Variants in TRIM37 observed in about 807,000 individuals in gnomAD.
TRIM37 encodes E3 ubiquitin-protein ligase TRIM37.
TRIM37 carries 80 observed loss-of-function variants against 129.8 expected under a neutral mutation model. The observed-to-expected ratio is 0.62, with a 90% CI of 0.51 to 0.74. The LOEUF (loss-of-function observed/expected upper bound fraction) is 0.74, where lower values mean the gene tolerates loss of function less well. TRIM37 is among the 30% of genes least tolerant of loss of function. The pLI is 0.00. For synonymous variants in TRIM37, 389 were observed against 387.1 expected, an observed-to-expected ratio of 1.00 and a Z score of -0.06; for missense variants, 1,054 against 1,176.5, an observed-to-expected ratio of 0.90 and a Z score of 1.52.
rs1965565414 is a variant in TRIM37, at chr17:59,106,649, C to T, written c.-188G>A. The T allele has an allele frequency of 7.3e-6, 5 of 680,590 alleles. No homozygotes were observed. The highest frequency in any genetic ancestry group is 5.4e-5 in the African/African-American group (3 of 55,308). The allele number at this position is 680,590 out of a possible 1,614,324, so 42.2% of individuals were successfully genotyped here. On this transcript the variant is annotated 5_prime_UTR_variant, in exon 1 of 24. An upstream start codon of the reference 5' UTR is lost. Coordinates refer to ENST00000262294, the MANE Select transcript of TRIM37 (RefSeq NM_015294.6). ...CCAGCGCCGCCTACCCCCATTTCGC[C>T]ATTTTTACCGGCGCGCCCGCCCCGA...
chr17:59,011,184 A>C (rs965895720), intron 22 of TRIM37, among the ~76,000 whole-genome samples: 2 of 151,922 alleles, frequency 1.3e-5, no homozygotes, highest in Non-Finnish European at 1.5e-5. Context: ...AAAAAAAAAA[A>C]CAACAGAAAA....
At chr17:58,986,695 G>C (rs1372343339) in intron 24 of TRIM37, among the ~76,000 whole-genome samples, 1 of 151,918 alleles carries the variant, frequency 6.6e-6, no homozygotes, top group East Asian at 1.9e-4. Context: ...TTTTAGTAGA[G>C]ACGGGGTTTT....
chr17:58,980,595 A>T (rs149595183), downstream of TRIM37: 173 of 1,614,070 alleles, frequency 1.1e-4, no homozygotes, highest in Non-Finnish European at 1.4e-4. The surrounding 1 kb of genome is among the most constrained non-coding windows in gnomAD (Gnocchi z 4.7). Context: ...ATGGAGAAAA[A>T]ATCAGTTCAG....
chr17:59,015,795 G>C lies in TRIM37; in HGVS notation c.2391C>G (p.Ser797=). The C allele has an allele frequency of 6.2e-7, 1 of 1,612,586 alleles. No individual in the cohort carries two copies. The highest frequency in any genetic ancestry group is 8.5e-7 in the Non-Finnish European group (1 of 1,179,826). Residue 797 remains serine, a synonymous_variant, in exon 21 of 24, where the codon TCC becomes TCG. Coordinates refer to ENST00000262294, the MANE Select transcript of TRIM37 (RefSeq NM_015294.6). The part of the protein sequence containing the change: ...KGDCQTLSEG[S]PGSSQSGSRH... Reference sequence around the variant, plus strand: ...TGCTCCCAGACTGAGAGCTTCCTGGGGAGCCTTCAAAAAAAGGAAGATGGA... The same window carrying C: ...TGCTCCCAGACTGAGAGCTTCCTGGCGAGCCTTCAAAAAAAGGAAGATGGA...
intron 3 of TRIM37, chr17:59,090,214 T>A (rs973425374): frequency 6.6e-6 from 1 of 152,144 alleles, no homozygotes. Flanking sequence ...AATATGGGCA[T>A]AAATAAATCA....
At chr17:58,970,679 T>A in the TRIM37 span, among the ~76,000 whole-genome samples, 1 of 152,140 alleles carries the variant, frequency 6.6e-6, no homozygotes, top group Non-Finnish European at 1.5e-5. Flanking sequence ...TCCCCTCCCC[T>A]AAGTTTGGAT....
chr17:59,063,226 C>T (rs953912973), intron 10 of TRIM37, among the ~76,000 whole-genome samples: 1 of 151,662 alleles, frequency 6.6e-6, no homozygotes, highest in Non-Finnish European at 1.5e-5. Flanking sequence ...GTTGCCCAGG[C>T]TGGAGCGCAG....
chr17:59,053,438 A>G (rs2040542620), intron 13 of TRIM37, among the ~76,000 whole-genome samples: 1 of 152,228 alleles, frequency 6.6e-6, no homozygotes, highest in South Asian at 2.1e-4. Flanking sequence ...ATTTTATAAT[A>G]AGAGAGTAGT....
At chr17:59,014,476 T>C (rs1372409111) in intron 21 of TRIM37, among the ~76,000 whole-genome samples, 1 of 152,146 alleles carries the variant, frequency 6.6e-6, no homozygotes, top group Non-Finnish European at 1.5e-5. Flanking sequence ...TGCCGGGGAT[T>C]TGAGTTTATG....
downstream of TRIM37, chr17:58,980,765 T>A (rs777220400): frequency 6.2e-7 from 1 of 1,614,156 alleles, no homozygotes; most frequent in Admixed American, 1.7e-5. This position sits in a 1 kb window ranked among gnomAD's most constrained non-coding sequence, Gnocchi z 4.7. Context: ...TTCTAGATTG[T>A]CTCATTTACG....
At chr17:59,089,117 A>C (rs2044044883) in intron 3 of TRIM37, among the ~76,000 whole-genome samples, 1 of 152,038 alleles carries the variant, frequency 6.6e-6, no homozygotes. Flanking sequence ...AGCCAAGTGC[A>C]ATGGCATGTG....
At chr17:58,975,317 G>A in the TRIM37 span, among the ~76,000 whole-genome samples, 1 of 152,138 alleles carries the variant, frequency 6.6e-6, no homozygotes, top group Non-Finnish European at 1.5e-5. Context: ...TTCTAAAAGG[G>A]AAAACCAAAG....
At chr17:59,056,027 CT>C (rs1790534524) in intron 13 of TRIM37, among the ~76,000 whole-genome samples, 1 of 152,074 alleles carries the variant, frequency 6.6e-6, no homozygotes, top group Admixed American at 6.6e-5. Context: ...CTGATAGTTG[CT>C]TTATAAAATT....
chr17:59,028,616 G>A lies in TRIM37; in HGVS notation c.2056C>T (p.Arg686Ter), dbSNP rs386834003. ...KRLKTQMAEVRCMKTDVKNTL... is the reference protein window; with the variant it reads ...KRLKTQMAEV ...TTCTTTACATCAGTTTTCATACATC[G>A]AACTTCGGCCATTTGAGTTTTGAGT... The change falls in exon 19 of 24, where the codon CGA (arginine) becomes TGA (stop). Residue 686 changes from arginine to a stop codon, truncating the protein, a stop_gained. Transcript: ENST00000262294. LOFTEE classifies it high-confidence loss of function. The A allele has an allele frequency of 2.5e-6, 4 of 1,614,158 alleles. No individual in the cohort carries two copies. Among genetic ancestry groups the A allele is most frequent in the Non-Finnish European group, 3.4e-6 (4 of 1,180,032 alleles).
chr17:59,027,182 G>GAA (rs2037336526), intron 19 of TRIM37, among the ~76,000 whole-genome samples: 1 of 152,032 alleles, frequency 6.6e-6, no homozygotes, highest in South Asian at 2.1e-4. Context: ...AGGATATCTA[G>GAA]CAGGTGTCTC....
At chr17:59,010,522 C>G (rs1482189604) in intron 22 of TRIM37, among the ~76,000 whole-genome samples, 4 of 152,168 alleles carry the variant, frequency 2.6e-5, no homozygotes, top group African/African-American at 4.8e-5. Context: ...GAGATAGAGT[C>G]TCACTCTGTC....
Position 58,992,421 on chromosome 17 carries a change from C to T in TRIM37, c.2891+6960G>A, listed in dbSNP as rs1184605991. Among the ~76,000 whole-genome samples, 4 of 151,120 alleles carry T rather than the reference C, an allele frequency of 2.6e-5. No homozygotes were observed. In the East Asian group the frequency reaches 5.8e-4, roughly 22 times the overall value. Reference sequence around the variant, plus strand: ...TTGAGACGGAGTTTCACTCTTTTTGCCCAGGCTGGAGTGCGATGGCACAAT... The same window carrying T: ...TTGAGACGGAGTTTCACTCTTTTTGTCCAGGCTGGAGTGCGATGGCACAAT... On this transcript the variant is annotated intron_variant, in intron 24 of 24. Transcript: ENST00000393066.
At position 59,032,067 on chromosome 17, in the gene TRIM37, A is replaced by C. The variant is rs749353443; in HGVS notation, c.1777T>G (p.Ser593Ala). ...GTTCTTCTTGATATTCTACTACTGGAACCCACATAACCATGGCTACTACCT... is the reference window on the plus strand; with the variant it reads ...GTTCTTCTTGATATTCTACTACTGGCACCCACATAACCATGGCTACTACCT... ...PAGSSHGYVGSSSRISRRTHL... is the reference protein window; with the variant it reads ...PAGSSHGYVGASSRISRRTHL... The change falls in exon 18 of 24, where the codon TCC becomes GCC. Residue 593 changes from serine (S) to alanine (A), a missense_variant. Transcript: ENST00000262294. 2 of 1,613,986 alleles carry C rather than the reference A, an allele frequency of 1.2e-6. No individual in the cohort carries two copies. The highest frequency in any genetic ancestry group is 2.2e-5 in the South Asian group (2 of 91,078).
intron 16 of TRIM37, among the ~76,000 whole-genome samples, chr17:59,046,681 C>T (rs1388354115): frequency 1.3e-5 from 2 of 151,510 alleles, no homozygotes; most frequent in African/African-American, 4.8e-5. Context: ...GGACTACAGG[C>T]GCCTGCCACC....
Sources: allele counts gnomAD v4.1 joint callset (sites outside exome capture counted in the v4.1 genomes callset), GRCh38; gene constraint gnomAD v4.1.1; non-coding constraint Gnocchi (gnomAD v3.1); transcripts MANE v1.5; gene names NCBI Gene and HGNC (gene_info 2026-07-23, HGNC 2026-07-21).